RBFOX1: variants seen among roughly 807,000 people sequenced by gnomAD.
RBFOX1 encodes the protein RNA binding fox-1 homolog 1, also known as RNA binding protein fox-1 homolog 1.
RBFOX1 carries 8 observed loss-of-function variants against 57.7 expected under a neutral mutation model. That is an observed-to-expected ratio of 0.14 (90% CI 0.08 to 0.25). The LOEUF (loss-of-function observed/expected upper bound fraction) is 0.25. Among genes scored for constraint, RBFOX1 ranks in the 10% least tolerant of loss-of-function variants. RBFOX1 has a pLI of 1.00. For missense variants in RBFOX1, 611 were observed against 548.5 expected, an observed-to-expected ratio of 1.11 and a Z score of -1.14; for synonymous variants, 326 against 222.4, an observed-to-expected ratio of 1.47 and a Z score of -4.15.
chr16:6,909,694 G>C (rs1173158901), intron 3 of RBFOX1, among the ~76,000 whole-genome samples: 1 of 152,158 alleles, frequency 6.6e-6, no homozygotes, highest in Non-Finnish European at 1.5e-5. Flanking sequence ...CCTAACACGT[G>C]GTACATGCAT....
At chr16:6,090,700 C>A (rs1207658431) in intron 1 of RBFOX1, among the ~76,000 whole-genome samples, 3 of 152,200 alleles carry the variant, frequency 2.0e-5, no homozygotes, top group African/African-American at 7.2e-5. Context: ...CTTTTGACAA[C>A]CTGCCATCTC....
intron 4 of RBFOX1, among the ~76,000 whole-genome samples, chr16:7,118,791 G>A (rs2066478355): frequency 6.6e-6 from 1 of 152,120 alleles, no homozygotes; most frequent in Non-Finnish European, 1.5e-5. Flanking sequence ...CATAAGGACA[G>A]AATAGAAGCA....
At chr16:5,364,060 C>T (rs557326051) in intron 1 of RBFOX1, among the ~76,000 whole-genome samples, 74 of 152,288 alleles carry the variant, frequency 4.9e-4, no homozygotes, top group African/African-American at 1.3e-3. Flanking sequence ...GATTCCCCGA[C>T]GCTGGATATC....
chr16:6,000,533 C>A (rs571924500), intron 4 of RBFOX1, among the ~76,000 whole-genome samples: 1 of 152,048 alleles, frequency 6.6e-6, no homozygotes, highest in Non-Finnish European at 1.5e-5. Context: ...AAAATAAGGG[C>A]GAAAACTCTA....
At chr16:6,586,583 CAGATGATG>C (rs1401020470) in intron 2 of RBFOX1, among the ~76,000 whole-genome samples, 6 of 152,194 alleles carry the variant, frequency 3.9e-5, no homozygotes, top group African/African-American at 1.4e-4. Context: ...TCAAGATGAT[CAGATGATG>C]TTGCCAGGAA....
At chr16:5,819,946 G>A (rs907891349) in intron 3 of RBFOX1, among the ~76,000 whole-genome samples, 2 of 152,106 alleles carry the variant, frequency 1.3e-5, no homozygotes, top group East Asian at 1.9e-4. Flanking sequence ...CTTTATCGTC[G>A]CATCCCACTC....
At chr16:6,658,518 T>G (rs1315538379) in intron 3 of RBFOX1, among the ~76,000 whole-genome samples, 1 of 152,082 alleles carries the variant, frequency 6.6e-6, no homozygotes, top group Admixed American at 6.6e-5. Context: ...AGAGCCCTCA[T>G]CTTGTTGTAG....
chr16:7,482,127 A>G (rs1436261367), intron 4 of RBFOX1, among the ~76,000 whole-genome samples: 1 of 152,208 alleles, frequency 6.6e-6, no homozygotes, highest in Non-Finnish European at 1.5e-5. Context: ...CTCCTGCTCT[A>G]TAGTCATAAC....
chr16:7,414,587 A>G (rs1214802792), intron 4 of RBFOX1, among the ~76,000 whole-genome samples: 1 of 152,128 alleles, frequency 6.6e-6, no homozygotes, highest in Admixed American at 6.6e-5. Context: ...CCCAAACACA[A>G]TGTTTTTCAA....
intron 2 of RBFOX1, among the ~76,000 whole-genome samples, chr16:6,571,359 C>T (rs1045936013): frequency 6.6e-6 from 1 of 152,126 alleles, no homozygotes; most frequent in African/African-American, 2.4e-5. Flanking sequence ...GAGAAGGGCA[C>T]ATTTGAAACC....
At chr16:5,880,054 A>G (rs1442781220) in intron 4 of RBFOX1, among the ~76,000 whole-genome samples, 1 of 152,192 alleles carries the variant, frequency 6.6e-6, no homozygotes, top group Non-Finnish European at 1.5e-5. Context: ...GGCCCGTGAC[A>G]GTGATCACAG....
At chr16:7,562,469 G>A (rs1252380157) in intron 5 of RBFOX1, among the ~76,000 whole-genome samples, 3 of 152,130 alleles carry the variant, frequency 2.0e-5, no homozygotes, top group African/African-American at 7.2e-5. Context: ...ATTGGCAACA[G>A]CCTTGAAGAC....
chr16:5,242,655 A>G (rs1230108368), intron 1 of RBFOX1, among the ~76,000 whole-genome samples: 3 of 152,188 alleles, frequency 2.0e-5, no homozygotes, highest in African/African-American at 7.2e-5. Context: ...TGCGTAGACC[A>G]TTAGCTTGGT....
chr16:7,397,103 G>C (rs931722953), intron 4 of RBFOX1, among the ~76,000 whole-genome samples: 1 of 152,202 alleles, frequency 6.6e-6, no homozygotes, highest in African/African-American at 2.4e-5. Flanking sequence ...ATTTTTTTCA[G>C]TGCATGAGTG....
intron 1 of RBFOX1, among the ~76,000 whole-genome samples, chr16:6,261,368 T>C (rs945750527): frequency 1.4e-4 from 22 of 152,210 alleles, no homozygotes; most frequent in Admixed American, 4.6e-4. Flanking sequence ...CTCTACCTAG[T>C]ACCAAAATAG....
At chr16:6,834,695 C>G (rs971219698) in intron 3 of RBFOX1, among the ~76,000 whole-genome samples, 1 of 152,098 alleles carries the variant, frequency 6.6e-6, no homozygotes, top group African/African-American at 2.4e-5. Context: ...ATATTGTTGT[C>G]ATGCTAAGTG....
intron 3 of RBFOX1, among the ~76,000 whole-genome samples, chr16:5,627,050 T>A (rs542584753): frequency 6.6e-6 from 1 of 152,334 alleles, no homozygotes; most frequent in South Asian, 2.1e-4. Flanking sequence ...GAATTAGACA[T>A]CCCGGCTTTG....
chr16:5,251,931 C>G (rs1420504060), intron 1 of RBFOX1, among the ~76,000 whole-genome samples: 1 of 151,952 alleles, frequency 6.6e-6, no homozygotes, highest in Non-Finnish European at 1.5e-5. Flanking sequence ...CCTAATAGGT[C>G]CTGAACCAGT....
At chr16:6,962,897 G>C (rs563646071) in intron 3 of RBFOX1, among the ~76,000 whole-genome samples, 1 of 141,544 alleles carries the variant, frequency 7.1e-6, no homozygotes, top group African/African-American at 2.6e-5. Flanking sequence ...AAGAAAGTGA[G>C]CCTTGGGATG....
Sources: gnomAD v4.1 joint callset for allele counts (sites outside exome capture counted in the v4.1 genomes callset) on GRCh38, gnomAD v4.1.1 for gene constraint, MANE v1.5 for transcripts, NCBI Gene and HGNC (gene_info 2026-07-23, HGNC 2026-07-21) for gene names.